Variants in MPZL1 observed in about 807,000 individuals in gnomAD.
MPZL1 encodes the protein myelin protein zero like 1.
Under a neutral mutation model 29.3 loss-of-function variants are expected in MPZL1, and 16 were observed. That is an observed-to-expected ratio of 0.55 (90% CI 0.37 to 0.83). The LOEUF is 0.83. MPZL1 is among the 40% of genes least tolerant of loss of function. The pLI, the probability that MPZL1 is intolerant of heterozygous loss-of-function variation, is 0.00. For synonymous variants in MPZL1, 143 were observed against 132.0 expected, an observed-to-expected ratio of 1.08 and a Z score of -0.57; for missense variants, 279 against 332.9, an observed-to-expected ratio of 0.84 and a Z score of 1.26.
intron 1 of MPZL1, among the ~76,000 whole-genome samples, chr1:167,735,034 A>G (rs1660348494): frequency 6.6e-6 from 1 of 152,188 alleles, no homozygotes; most frequent in Non-Finnish European, 1.5e-5. Context: ...ATTTTCAGCA[A>G]TTTCAGCTCT....
intron 1 of MPZL1, among the ~76,000 whole-genome samples, chr1:167,739,282 C>CATATATACATATATACATATATACATAT: frequency 1.1e-5 from 1 of 90,418 alleles, no homozygotes; most frequent in East Asian, 2.8e-4. Flanking sequence ...TACATATATA[C>CATATATACATATATACATATATACATAT]ATATATATAT....
chr1:167,763,344 C>T (rs972934873), intron 1 of MPZL1, among the ~76,000 whole-genome samples: 1 of 151,862 alleles, frequency 6.6e-6, no homozygotes, highest in Non-Finnish European at 1.5e-5. Context: ...GGTGAAACCC[C>T]GTCTCTACTA....
intron 1 of MPZL1, among the ~76,000 whole-genome samples, chr1:167,726,186 C>T (rs921918169): frequency 1.4e-4 from 22 of 152,266 alleles, no homozygotes; most frequent in African/African-American, 5.3e-4. Flanking sequence ...TCATTCCCAC[C>T]TCCTAGCCTT....
chr1:167,742,609 G>A (rs566677417), intron 1 of MPZL1, among the ~76,000 whole-genome samples: 2 of 152,224 alleles, frequency 1.3e-5, no homozygotes, highest in East Asian at 1.9e-4. Flanking sequence ...TCTGCTGACT[G>A]TTCCTTTTGC....
chr1:167,731,197 G>T (rs1660258724), intron 1 of MPZL1, among the ~76,000 whole-genome samples: 2 of 152,132 alleles, frequency 1.3e-5, no homozygotes, highest in Non-Finnish European at 2.9e-5. Context: ...CACTTTGGGA[G>T]GCTGAGGTGG....
chr1:167,758,886 C>T (rs1660924834), intron 1 of MPZL1, among the ~76,000 whole-genome samples: 1 of 152,112 alleles, frequency 6.6e-6, no homozygotes, highest in Admixed American at 6.5e-5. Context: ...AGAACCGTTC[C>T]CCAGAGAGAA....
Position 167,789,159 on chromosome 1 carries a change from C to G in MPZL1, c.*1238C>G, listed in dbSNP as rs1365570763. 6.6e-6 allele frequency: 1 copy of G among 152,170 alleles called. No individual in the cohort carries two copies. The highest frequency in any genetic ancestry group is 6.5e-5 in the Admixed American group (1 of 15,268). The allele number at this position is 152,170 out of a possible 1,614,324, so 9.4% of individuals were successfully genotyped here. On this transcript the variant is annotated 3_prime_UTR_variant, in exon 6 of 6. Transcript: ENST00000359523. The stretch of plus-strand genomic sequence containing the variant: ...ACAGTTTGGCTGTCCTTCCCTAAAA[C>G]TTGTTTTCTCCTATTCACTACTCCC...
rs1661711562 is a variant in MPZL1 at position 167,791,347 on chromosome 1, T to C, written c.*3426T>C. The stretch of plus-strand genomic sequence containing the variant: ...GCAACCTACACTGAGAACAATCCTG[T>C]GCCAAGCACTGTGCTAAGCATAAGG... On this transcript the variant is annotated 3_prime_UTR_variant, in exon 6 of 6. Transcript: ENST00000359523. The C allele has an allele frequency of 6.6e-6, 1 of 152,194 alleles. No homozygotes were observed. 9.4% of individuals were successfully genotyped at this position (152,194 alleles called of 1,614,324 possible).
Position 167,772,464 on chromosome 1 carries a change from A to G in MPZL1, c.448A>G (p.Ile150Val). The G allele has an allele frequency of 6.2e-7, 1 of 1,613,920 alleles. No homozygotes were observed. Among genetic ancestry groups the G allele is most frequent in the South Asian group, 1.1e-5 (1 of 91,072 alleles). ...TGACATCGTTGTCCAGCCTGGACAC[A>G]TTAGGCTCTATGTCGTAGAAAAAGG... ...PPDIVVQPGH[I>V]RLYVVEKENL... The change falls in exon 3 of 6, where the codon ATT becomes GTT. Residue 150 changes from isoleucine to valine, a missense_variant. Coordinates refer to ENST00000359523, the MANE Select transcript of MPZL1 (RefSeq NM_003953.6).
chr1:167,758,025 G>T lies in MPZL1; in HGVS notation c.92-7558G>T, dbSNP rs6689497. Among the ~76,000 whole-genome samples, 1,409 of 152,034 alleles carry T rather than the reference G, an allele frequency of 9.3e-3. 23 individuals are homozygous for T. Among genetic ancestry groups the T allele is most frequent in the African/African-American group, 0.031 (1,296 of 41,456 alleles). On this transcript the variant is annotated intron_variant, in intron 1 of 5. Transcript: ENST00000359523. The stretch of plus-strand genomic sequence containing the variant: ...AAAAATTATCTAGGCATGGTGGCAC[G>T]CCCCTGTGGTCCCAGCTATTCAGGA...
At position 167,722,113 on chromosome 1, in the gene MPZL1, G is replaced by A; in HGVS notation, c.-39G>A. 8.1e-7 allele frequency: 1 copy of A among 1,233,606 alleles called. No individual in the cohort carries two copies. Among genetic ancestry groups the A allele is most frequent in the Non-Finnish European group, 1.0e-6 (1 of 988,438 alleles). The allele number at this position is 1,233,606 out of a possible 1,614,324, so 76.4% of individuals were successfully genotyped here. ...AACCTCAGCGGGGACCCGGGCTCAG[G>A]GACGCGGCGGCGGCGGCGGCGACTG... On this transcript the variant is annotated 5_prime_UTR_variant, in exon 1 of 6. Transcript: ENST00000359523.
intron 1 of MPZL1, among the ~76,000 whole-genome samples, chr1:167,741,652 A>G (rs1323158573): frequency 2.6e-5 from 4 of 151,890 alleles, no homozygotes; most frequent in Non-Finnish European, 5.9e-5. Context: ...TGCTTTCCCA[A>G]TTTCAGTCCG....
At chr1:167,760,698 A>T (rs1439262011) in intron 1 of MPZL1, among the ~76,000 whole-genome samples, 1 of 151,866 alleles carries the variant, frequency 6.6e-6, no homozygotes, top group African/African-American at 2.4e-5. Context: ...TAATTTGGAC[A>T]TATTAAATTT....
At chr1:167,785,199 G>T (rs1454619619) in intron 5 of MPZL1, among the ~76,000 whole-genome samples, 1 of 152,222 alleles carries the variant, frequency 6.6e-6, no homozygotes, top group Admixed American at 6.5e-5. Context: ...TGGCTCACTT[G>T]TGCATCTGCA....
At chr1:167,753,286 C>G (rs1030322011) in intron 1 of MPZL1, among the ~76,000 whole-genome samples, 6 of 152,150 alleles carry the variant, frequency 3.9e-5, no homozygotes, top group African/African-American at 4.8e-5. Context: ...AGCTCGCCAC[C>G]AACAGCCTTT....
At chr1:167,761,885 G>T (rs545724060) in intron 1 of MPZL1, among the ~76,000 whole-genome samples, 29 of 152,292 alleles carry the variant, frequency 1.9e-4, no homozygotes, top group South Asian at 1.0e-3. Flanking sequence ...TGTATGCAAG[G>T]GGGTGAGTAT....
intron 1 of MPZL1, among the ~76,000 whole-genome samples, chr1:167,746,432 C>G (rs3820394): frequency 1.3e-5 from 2 of 150,834 alleles, no homozygotes; most frequent in African/African-American, 4.8e-5. Context: ...AGCTCTCCCT[C>G]CCTGTTTGCA....
At chr1:167,726,340 T>G (rs1460751766) in intron 1 of MPZL1, among the ~76,000 whole-genome samples, 1 of 152,244 alleles carries the variant, frequency 6.6e-6, no homozygotes, top group Non-Finnish European at 1.5e-5. Flanking sequence ...GTTTACTTCC[T>G]TATTGTAATT....
chr1:167,756,332 C>T (rs952980367), intron 1 of MPZL1, among the ~76,000 whole-genome samples: 9 of 151,382 alleles, frequency 5.9e-5, no homozygotes, highest in South Asian at 2.1e-4. Flanking sequence ...TTTGTCAAGA[C>T]GAGGGCTGGT....
Sources: gnomAD v4.1 joint callset for allele counts (sites outside exome capture counted in the v4.1 genomes callset) on GRCh38, gnomAD v4.1.1 for gene constraint, MANE v1.5 for transcripts, NCBI Gene and HGNC (gene_info 2026-07-23, HGNC 2026-07-21) for gene names.